Variants in PJA2 observed in about 807,000 individuals in gnomAD.
The protein encoded by PJA2 is E3 ubiquitin-protein ligase Praja-2.
PJA2 carries 25 observed loss-of-function variants against 69.3 expected under a neutral mutation model. The observed-to-expected ratio is 0.36, with a 90% CI of 0.26 to 0.50. PJA2 has a LOEUF of 0.50. Among genes scored for constraint, PJA2 ranks in the 20% least tolerant of loss-of-function variants. The pLI is 0.96. For missense variants in PJA2, 809 were observed against 830.2 expected, an observed-to-expected ratio of 0.97 and a Z score of 0.31; for synonymous variants, 308 against 277.8, an observed-to-expected ratio of 1.11 and a Z score of -1.08.
rs1455871495 is a variant in PJA2, at chr5:109,378,816, C to T, written c.671G>A (p.Cys224Tyr). ...CTCTTCAAACTCATCTCTTACTTCACAGTTAAATGAGGGAACTGGTGGTGA... is the reference window on the plus strand; with the variant it reads ...CTCTTCAAACTCATCTCTTACTTCATAGTTAAATGAGGGAACTGGTGGTGA... ...GLSPPVPSFN[C>Y]EVRDEFEELD... Residue 224 changes from cysteine to tyrosine, a missense_variant, in exon 4 of 10, where the codon TGT (cysteine) becomes TAT (tyrosine). By Grantham distance (194) the Cys-to-Tyr change is radical. Transcript: ENST00000361189. 1.2e-6 allele frequency: 2 copies of T among 1,613,504 alleles called. No individual in the cohort carries two copies. The highest frequency in any genetic ancestry group is 1.7e-6 in the Non-Finnish European group (2 of 1,180,012).
At position 109,368,762 on chromosome 5, in the gene PJA2, G is replaced by T. The variant is rs761712485; in HGVS notation, c.1284-16C>A. ...GCATTCAGAACTGCAAATCAGAAGA[G>T]AAATAAACTATCATAATGTGTTCAG... On this transcript the variant is annotated splice_polypyrimidine_tract_variant and intron_variant, in intron 4 of 9. Transcript: ENST00000361189. 1.2e-6 allele frequency: 2 copies of T among 1,605,128 alleles called. No homozygotes were observed. The highest frequency in any genetic ancestry group is 2.2e-5 in the East Asian group (1 of 44,794).
chr5:109,354,172 CTATA>C (rs1762350423), intron 7 of PJA2, among the ~76,000 whole-genome samples: 2 of 138,520 alleles, frequency 1.4e-5, no homozygotes, highest in Admixed American at 1.4e-4. Flanking sequence ...CTAGAGATGT[CTATA>C]GATTAGATAT....
chr5:109,362,981 T>C lies in PJA2; in HGVS notation c.1511A>G (p.Gln504Arg), dbSNP rs775751697. Residue 504 changes from glutamine to arginine, a missense_variant, in exon 6 of 10, where the codon CAG (glutamine) becomes CGG (arginine). By Grantham distance (43) the Gln-to-Arg change is conservative (BLOSUM62 1). This residue lies in a region of PJA2 where 700 missense variants were observed against 639.5 expected (regional missense o/e 1.09). Transcript: ENST00000361189. ...SLEEGEIPWL[Q>R]YNEVNESSSD... is the part of the protein sequence containing the mutation. The stretch of plus-strand genomic sequence containing the variant: ...GCTGCTTTCATTGACTTCATTGTAC[T>C]GTAACCAAGGAATTTCTCCCTCTTC... The C allele has an allele frequency of 3.7e-6, 6 of 1,607,842 alleles. No homozygotes were observed. The highest frequency in any genetic ancestry group is 1.1e-5 in the South Asian group (1 of 90,334).
chr5:109,364,727 T>C (rs1762559551), intron 5 of PJA2, among the ~76,000 whole-genome samples: 1 of 141,478 alleles, frequency 7.1e-6, no homozygotes, highest in Non-Finnish European at 1.6e-5. Context: ...TGAACTACAA[T>C]ACAAGAGAGA....
Position 109,344,769 on chromosome 5 carries a change from A to G in PJA2, c.1815T>C (p.Asn605=), listed in dbSNP as rs750524038. The change falls in exon 8 of 10, where the codon AAT becomes AAC. Residue 605 remains asparagine, a synonymous_variant. Coordinates refer to ENST00000361189, the MANE Select transcript of PJA2 (RefSeq NM_014819.5). Reference sequence around the variant, plus strand: ...CAATGCTTTCCTTACTAGCTGGTGGATTGGCCACCTCAACATCCACTGCAA... The same window carrying G: ...CAATGCTTTCCTTACTAGCTGGTGGGTTGGCCACCTCAACATCCACTGCAA... The part of the protein sequence containing the change: ...ESLAVDVEVA[N]PPASKESIDG... 1 of 1,614,138 alleles carries G rather than the reference A, an allele frequency of 6.2e-7. No homozygotes were observed. Among genetic ancestry groups the G allele is most frequent in the Non-Finnish European group, 8.5e-7 (1 of 1,179,990 alleles).
chr5:109,343,213 C>G, intron 9 of PJA2, among the ~76,000 whole-genome samples: 1 of 114,858 alleles, frequency 8.7e-6, no homozygotes, highest in East Asian at 2.3e-4. Flanking sequence ...TTACCCCCAA[C>G]CCTGTGCTCT....
At chr5:109,358,732 A>G (rs1278189977) in intron 6 of PJA2, among the ~76,000 whole-genome samples, 1 of 152,182 alleles carries the variant, frequency 6.6e-6, no homozygotes, top group African/African-American at 2.4e-5. Context: ...GAGGCTGGAC[A>G]ATCACTTGAG....
intron 1 of PJA2, among the ~76,000 whole-genome samples, chr5:109,400,301 A>C (rs1306936031): frequency 6.6e-6 from 1 of 151,808 alleles, no homozygotes; most frequent in African/African-American, 2.4e-5. Context: ...AAAAAAAAAA[A>C]GAAAAAGATA....
chr5:109,344,343 A>T (rs777993561), intron 8 of PJA2, 32 bp from the exon 9 acceptor site: 3 of 1,565,506 alleles, frequency 1.9e-6, no homozygotes. Context: ...GGTCAATCAC[A>T]CGTAGTTCAA....
intron 9 of PJA2, among the ~76,000 whole-genome samples, chr5:109,343,599 T>C (rs1762123521): frequency 6.6e-6 from 1 of 152,170 alleles, no homozygotes; most frequent in African/African-American, 2.4e-5. Context: ...ATCAGCTTTA[T>C]TCTAAAATGA....
chr5:109,395,988 G>A (rs1210466040), intron 1 of PJA2, among the ~76,000 whole-genome samples: 7 of 123,954 alleles, frequency 5.6e-5, no homozygotes, highest in Admixed American at 2.0e-4. Flanking sequence ...CAAGAAGAGC[G>A]AAACTCTATC....
chr5:109,401,333 G>A (rs1258294543), intron 1 of PJA2, among the ~76,000 whole-genome samples: 1 of 152,110 alleles, frequency 6.6e-6, no homozygotes, highest in Non-Finnish European at 1.5e-5. Flanking sequence ...AGTGGCTCAG[G>A]CCTGCAAATG....
chr5:109,355,877 C>T (rs964191905), intron 7 of PJA2, 38 bp downstream of exon 7: 4 of 1,395,556 alleles, frequency 2.9e-6, no homozygotes, highest in East Asian at 2.3e-5. Context: ...TTTTGTATCC[C>T]ATCAACTTAT....
chr5:109,380,220 A>T (rs545309698), intron 3 of PJA2, among the ~76,000 whole-genome samples: 2 of 150,924 alleles, frequency 1.3e-5, no homozygotes, highest in African/African-American at 4.9e-5. Flanking sequence ...CAGCCTCCCA[A>T]GTAGCTGGGA....
intron 3 of PJA2, 76 bp from the exon 4 acceptor site, chr5:109,379,330 G>A: frequency 1.9e-6 from 2 of 1,057,700 alleles, no homozygotes; most frequent in Non-Finnish European, 1.3e-6. Context: ...TATCACTTAA[G>A]TGGAAATCAT....
chr5:109,342,267 C>T (rs1762082611), intron 9 of PJA2, among the ~76,000 whole-genome samples: 4 of 88,546 alleles, frequency 4.5e-5, no homozygotes, highest in African/African-American at 1.9e-4. Flanking sequence ...TGCCCGGCCG[C>T]CCCTACTGGG....
At chr5:109,384,397 T>A (rs1181722558) in intron 1 of PJA2, among the ~76,000 whole-genome samples, 1 of 152,228 alleles carries the variant, frequency 6.6e-6, no homozygotes, top group African/African-American at 2.4e-5. Context: ...CTACAATTTA[T>A]CATGGAACAA....
intron 7 of PJA2, among the ~76,000 whole-genome samples, chr5:109,349,378 C>T (rs1391643880): frequency 6.6e-6 from 1 of 152,144 alleles, no homozygotes; most frequent in Non-Finnish European, 1.5e-5. Context: ...TTCCTTCTGT[C>T]CCAGTGTGCT....
intron 9 of PJA2, among the ~76,000 whole-genome samples, chr5:109,341,557 GTCA>G (rs1762058913): frequency 7.3e-6 from 1 of 137,726 alleles, no homozygotes; most frequent in Non-Finnish European, 1.6e-5. Flanking sequence ...GTGGGGGGGG[GTCA>G]GCCCCCCGCC....
Sources: allele counts gnomAD v4.1 joint callset (sites outside exome capture counted in the v4.1 genomes callset), GRCh38; gene constraint gnomAD v4.1.1; regional missense constraint gnomAD v4.1.1; transcripts MANE v1.5; gene names NCBI Gene and HGNC (gene_info 2026-07-23, HGNC 2026-07-21).